Variants in DNAH11 observed in about 807,000 individuals in gnomAD.
The protein encoded by DNAH11 is axonemal beta dynein heavy chain 11.
DNAH11 carries 442 observed loss-of-function variants against 526.0 expected under a neutral mutation model. The ratio of observed to expected loss-of-function variants is 0.84; its 90% CI spans 0.78 to 0.91. DNAH11 has a LOEUF of 0.91. Among genes scored for constraint, DNAH11 ranks in the 40% least tolerant of loss-of-function variants. DNAH11 has a pLI of 0.00. For synonymous variants in DNAH11, 2,461 were observed against 1,935.9 expected (o/e 1.27, Z -7.12); for missense variants, 6,989 against 5,448.7 (o/e 1.28, Z -8.90).
At chr7:21,838,897 AT>A (rs1345825659) in intron 65 of DNAH11, among the ~76,000 whole-genome samples, 1 of 152,032 alleles carries the variant, frequency 6.6e-6, no homozygotes, top group African/African-American at 2.4e-5. Flanking sequence ...CACCATGCTA[AT>A]TTTAAGGAAT....
At chr7:21,700,898 G>T (rs968449621) in intron 36 of DNAH11, among the ~76,000 whole-genome samples, 3 of 152,126 alleles carry the variant, frequency 2.0e-5, no homozygotes, top group African/African-American at 7.2e-5. Flanking sequence ...TCATAAGTAG[G>T]AGTTGAACAG....
intron 54 of DNAH11, among the ~76,000 whole-genome samples, chr7:21,753,397 A>G (rs749647674): frequency 2.6e-5 from 4 of 152,166 alleles, no homozygotes; most frequent in African/African-American, 7.2e-5. Context: ...TATGAGTACA[A>G]TTTGAAATGG....
intron 22 of DNAH11, among the ~76,000 whole-genome samples, chr7:21,616,566 A>T (rs1785793215): frequency 6.6e-6 from 1 of 152,172 alleles, no homozygotes; most frequent in Admixed American, 6.5e-5. Flanking sequence ...AACAGAGAGG[A>T]ACATTATCAG....
chr7:21,573,313 G>A (rs906793019), intron 8 of DNAH11, among the ~76,000 whole-genome samples: 4 of 152,126 alleles, frequency 2.6e-5, no homozygotes, highest in African/African-American at 9.7e-5. Flanking sequence ...CAGATAAGGT[G>A]GGCAGGGTTT....
chr7:21,670,503 C>T lies in DNAH11; in HGVS notation c.5329-11043C>T, dbSNP rs7791678. Among the ~76,000 whole-genome samples the T allele has an allele frequency of 9.2e-3, 1,401 of 152,116 alleles. 16 individuals are homozygous for T. The highest frequency in any genetic ancestry group is 0.032 in the African/African-American group (1,312 of 41,518). On this transcript the variant is annotated intron_variant, in intron 30 of 81. Coordinates refer to ENST00000409508, the MANE Select transcript of DNAH11 (RefSeq NM_001277115.2). ...AAGTAATGACAGTTTTCTTCTCTTC[C>T]ATTCTTTTTCTTTTTGTTCTTTATT...
intron 29 of DNAH11, among the ~76,000 whole-genome samples, chr7:21,657,060 G>A (rs1484718809): frequency 6.6e-6 from 1 of 152,148 alleles, no homozygotes; most frequent in Admixed American, 6.6e-5. Context: ...GATATTGAAA[G>A]TTTTTATAGT....
intron 25 of DNAH11, among the ~76,000 whole-genome samples, chr7:21,625,455 T>C (rs1328690688): frequency 2.6e-5 from 4 of 152,160 alleles, no homozygotes; most frequent in Non-Finnish European, 5.9e-5. Flanking sequence ...AAAAACCAAT[T>C]CTTCATTCCA....
intron 63 of DNAH11, among the ~76,000 whole-genome samples, chr7:21,809,567 T>C (rs10248794): frequency 0.41 from 62,800 of 151,810 alleles, 13,908 homozygotes; most frequent in East Asian, 0.82. Context: ...TTGTTTGTTA[T>C]ATTTTGTTTT....
rs1342269567 is a variant in DNAH11 at position 21,818,349 on chromosome 7, C to G, written c.10691+10C>G. 2 of 1,605,718 alleles carry G rather than the reference C, an allele frequency of 1.2e-6. No homozygotes were observed. Among genetic ancestry groups the G allele is most frequent in the East Asian group, 2.2e-5 (1 of 44,606 alleles). On this transcript the variant is annotated intron_variant, in intron 65 of 81. Transcript: ENST00000409508. ...CAATTAAAAAAGGAAAGTAAGTATT[C>G]TTGAATTTTTAACATATATATCTTG...
At chr7:21,601,365 G>A (rs1205270323) in intron 17 of DNAH11, 31 bp from the exon 18 acceptor site, 3 of 1,571,212 alleles carry the variant, frequency 1.9e-6, no homozygotes, top group South Asian at 2.3e-5. Context: ...AACTTAATTT[G>A]TGTGTATCTA....
chr7:21,773,602 C>G (rs1308083765), intron 55 of DNAH11, among the ~76,000 whole-genome samples, 164 bp from the exon 56 acceptor site: 38 of 152,022 alleles, frequency 2.5e-4, no homozygotes, highest in Admixed American at 2.4e-3. Context: ...TGTAATCTCC[C>G]AAATCCTGTG....
intron 20 of DNAH11, among the ~76,000 whole-genome samples, chr7:21,609,349 G>A (rs1179840005): frequency 1.3e-5 from 2 of 152,008 alleles, no homozygotes; most frequent in Non-Finnish European, 2.9e-5. Flanking sequence ...CTGAGTAGCT[G>A]GGACCACAGA....
intron 77 of DNAH11, among the ~76,000 whole-genome samples, chr7:21,893,383 T>A (rs570656002): frequency 5.9e-5 from 9 of 152,366 alleles, no homozygotes; most frequent in African/African-American, 2.2e-4. Flanking sequence ...AATTTTGCAA[T>A]CCTCAATTGA....
intron 39 of DNAH11, among the ~76,000 whole-genome samples, chr7:21,705,944 T>G (rs1463049775): frequency 1.3e-5 from 2 of 152,202 alleles, no homozygotes; most frequent in Admixed American, 6.5e-5. Flanking sequence ...GCTGGAAGAT[T>G]GGATTGGCTC....
chr7:21,782,695 T>A (rs903216118), intron 57 of DNAH11, among the ~76,000 whole-genome samples: 1 of 152,078 alleles, frequency 6.6e-6, no homozygotes, highest in Admixed American at 6.5e-5. Flanking sequence ...GCGGATAACT[T>A]GAGGTCAGCA....
At chr7:21,657,436 G>C (rs1274589051) in intron 29 of DNAH11, among the ~76,000 whole-genome samples, 5 of 152,170 alleles carry the variant, frequency 3.3e-5, no homozygotes, top group Non-Finnish European at 1.5e-5. Flanking sequence ...CACCTCATCA[G>C]AGCTTAGTTC....
chr7:21,610,019 C>G (rs892872311), intron 20 of DNAH11, among the ~76,000 whole-genome samples: 23 of 152,140 alleles, frequency 1.5e-4, no homozygotes, highest in African/African-American at 5.6e-4. Flanking sequence ...CTTTGGGAGG[C>G]TGAGGCAGGC....
chr7:21,704,580 G>A lies in DNAH11; in HGVS notation c.6420G>A (p.Gln2140=), dbSNP rs1784193720. 2 of 1,613,540 alleles carry A rather than the reference G, an allele frequency of 1.2e-6. No individual in the cohort carries two copies. The highest frequency in any genetic ancestry group is 1.7e-6 in the Non-Finnish European group (2 of 1,179,744). The change falls in exon 38 of 82, where the codon CAG becomes CAA. Residue 2140 remains glutamine (Q), a synonymous_variant. Transcript: ENST00000409508. ...TGCACTTTGAACAGATGGTCAGGCA[G>A]TCTACCCTGGAGCTCCGCCTGCAGC... is the stretch of plus-strand genomic sequence containing the variant. ...RKLHFEQMVR[Q]STLELRLQPE... is the part of the protein sequence containing the mutation.
chr7:21,682,024 C>G (rs893151735), intron 31 of DNAH11, among the ~76,000 whole-genome samples: 1 of 152,170 alleles, frequency 6.6e-6, no homozygotes, highest in Non-Finnish European at 1.5e-5. Flanking sequence ...GTGACTTACA[C>G]AGCCAATAGC....
Sources: gnomAD v4.1 joint callset for allele counts (sites outside exome capture counted in the v4.1 genomes callset) on GRCh38, gnomAD v4.1.1 for gene constraint, MANE v1.5 for transcripts, NCBI Gene and HGNC (gene_info 2026-07-23, HGNC 2026-07-21) for gene names.